RBFOX1: variants seen among roughly 807,000 people sequenced by gnomAD.
The protein encoded by RBFOX1 is RNA binding protein fox-1 homolog 1.
A neutral mutation model predicts 57.7 loss-of-function variants in RBFOX1; 8 were observed. That is an observed-to-expected ratio of 0.14 (90% CI 0.08 to 0.25). The LOEUF is 0.25. RBFOX1 is among the 10% of genes least tolerant of loss of function. RBFOX1 has a pLI of 1.00. For missense variants in RBFOX1, 611 were observed against 548.5 expected (o/e 1.11, Z -1.14); for synonymous variants, 326 against 222.4 (o/e 1.47, Z -4.15).
At chr16:5,351,281 A>G (rs1255013112) in intron 1 of RBFOX1, among the ~76,000 whole-genome samples, 2 of 152,248 alleles carry the variant, frequency 1.3e-5, no homozygotes, top group African/African-American at 4.8e-5. Context: ...GTTAAGCGCT[A>G]TGCCAGGGCT....
At chr16:6,462,172 A>G (rs2094935041) in intron 2 of RBFOX1, among the ~76,000 whole-genome samples, 1 of 152,166 alleles carries the variant, frequency 6.6e-6, no homozygotes, top group East Asian at 1.9e-4. Context: ...CGTTAACCCA[A>G]CACAGAACTC....
In RBFOX1 at chr16:6,092,873, CT is replaced by C. The variant is rs1200022020; in HGVS notation, c.-127+72882del. ...CTTAGGATTGCCTTGACTATTCAGG[CT>C]CTTTTTTGGTTCTATATGAATTTAA... On this transcript the variant is annotated intron_variant, in intron 1 of 15. Coordinates refer to ENST00000550418, the MANE Select transcript of RBFOX1 (RefSeq NM_018723.4). The C allele has an allele frequency of 2.6e-5, 4 of 152,214 alleles. No individual in the cohort carries two copies. In the East Asian group the frequency reaches 7.7e-4, roughly 29 times the overall value. The allele number at this position is 152,214 out of a possible 1,614,324, so 9.4% of individuals were successfully genotyped here.
intron 1 of RBFOX1, among the ~76,000 whole-genome samples, chr16:6,197,598 G>A (rs552639241): frequency 6.6e-6 from 1 of 151,640 alleles, no homozygotes; most frequent in East Asian, 1.9e-4. Flanking sequence ...GAACAGTAGA[G>A]GACCAGGATC....
At chr16:6,884,266 C>T (rs1348052455) in intron 3 of RBFOX1, among the ~76,000 whole-genome samples, 9 of 152,106 alleles carry the variant, frequency 5.9e-5, no homozygotes, top group Non-Finnish European at 1.0e-4. Context: ...AGTATGTGTC[C>T]AGCTTTCCAA....
At chr16:6,453,358 C>T (rs548450822) in intron 2 of RBFOX1, among the ~76,000 whole-genome samples, 3 of 152,200 alleles carry the variant, frequency 2.0e-5, no homozygotes, top group Non-Finnish European at 2.9e-5. Flanking sequence ...TGAAAACATG[C>T]GGTGTTTGGT....
chr16:5,769,604 G>T (rs144339511), intron 3 of RBFOX1, among the ~76,000 whole-genome samples: 2,110 of 152,234 alleles, frequency 0.014, 19 homozygotes, highest in Non-Finnish European at 0.023. Context: ...GGTGAGCCGA[G>T]ATCATGCCAT....
At chr16:6,021,969 C>A (rs942876301) in intron 1 of RBFOX1, among the ~76,000 whole-genome samples, 1 of 152,098 alleles carries the variant, frequency 6.6e-6, no homozygotes, top group South Asian at 2.1e-4. Context: ...CTTGTAGCAC[C>A]GAGTGGTACA....
chr16:7,019,236 T>C (rs1192681856), intron 3 of RBFOX1, among the ~76,000 whole-genome samples: 1 of 152,116 alleles, frequency 6.6e-6, no homozygotes, highest in East Asian at 1.9e-4. Flanking sequence ...TGTGTTTGCC[T>C]TGTTTAGGTT....
At chr16:6,387,515 T>C (rs2092360920) in intron 2 of RBFOX1, among the ~76,000 whole-genome samples, 1 of 145,130 alleles carries the variant, frequency 6.9e-6, no homozygotes, top group Non-Finnish European at 1.5e-5. Flanking sequence ...GTAAAAAAAA[T>C]GAAGCCATTA....
intron 3 of RBFOX1, among the ~76,000 whole-genome samples, chr16:6,753,567 T>C (rs956313272): frequency 1.3e-5 from 2 of 152,182 alleles, no homozygotes; most frequent in Non-Finnish European, 2.9e-5. Flanking sequence ...TCTGTCTTAA[T>C]AGAGACTGTG....
At chr16:7,226,484 T>C (rs1018518533) in intron 4 of RBFOX1, among the ~76,000 whole-genome samples, 4 of 152,176 alleles carry the variant, frequency 2.6e-5, no homozygotes, top group Non-Finnish European at 2.9e-5. Flanking sequence ...CTCCACTTGA[T>C]GCTGTGTACA....
intron 4 of RBFOX1, among the ~76,000 whole-genome samples, chr16:7,406,437 C>A (rs1017990212): frequency 1.3e-5 from 2 of 152,188 alleles, no homozygotes; most frequent in Non-Finnish European, 2.9e-5. Flanking sequence ...CCAGTCCCTT[C>A]CTTTTACTGT....
chr16:6,811,498 A>G (rs1334399577), intron 3 of RBFOX1, among the ~76,000 whole-genome samples: 6 of 152,184 alleles, frequency 3.9e-5, no homozygotes, highest in Admixed American at 3.9e-4. Context: ...AGGGATGTTT[A>G]AGTGATTATG....
intron 14 of RBFOX1, among the ~76,000 whole-genome samples, chr16:7,707,543 T>C (rs1244250970): frequency 6.6e-6 from 1 of 152,102 alleles, no homozygotes; most frequent in South Asian, 2.1e-4. Context: ...CAAAAAACGA[T>C]GTCGATCCCA....
chr16:6,472,025 G>A (rs2095187269), intron 2 of RBFOX1, among the ~76,000 whole-genome samples: 1 of 152,150 alleles, frequency 6.6e-6, no homozygotes, highest in Admixed American at 6.5e-5. Flanking sequence ...ATTCCTCTGA[G>A]TTCTTTTCCC....
At chr16:7,366,495 C>G (rs1165354410) in intron 4 of RBFOX1, among the ~76,000 whole-genome samples, 1 of 152,208 alleles carries the variant, frequency 6.6e-6, no homozygotes, top group African/African-American at 2.4e-5. Flanking sequence ...CCAGGACAGA[C>G]AGGCTGTTGA....
intron 2 of RBFOX1, among the ~76,000 whole-genome samples, chr16:6,580,879 A>G (rs9935955): frequency 0.011 from 1,704 of 150,218 alleles, 35 homozygotes; most frequent in African/African-American, 0.04. Context: ...ATTTTTCCAG[A>G]AAGACCCTGC....
chr16:6,252,756 A>G (rs1366683460), intron 1 of RBFOX1, among the ~76,000 whole-genome samples: 1 of 152,202 alleles, frequency 6.6e-6, no homozygotes, highest in Non-Finnish European at 1.5e-5. Context: ...GGAGCAGCAG[A>G]TGAGGTAGTG....
intron 3 of RBFOX1, 57 bp from the exon 4 acceptor site, chr16:7,052,000 A>T: frequency 6.3e-7 from 1 of 1,588,548 alleles, no homozygotes; most frequent in Non-Finnish European, 8.6e-7. Context: ...GTTTTCTTTC[A>T]TGTTTTTCTG....
Sources: allele counts gnomAD v4.1 joint callset (sites outside exome capture counted in the v4.1 genomes callset), GRCh38; gene constraint gnomAD v4.1.1; transcripts MANE v1.5; gene names NCBI Gene and HGNC (gene_info 2026-07-23, HGNC 2026-07-21).